Variants in RASAL2 observed in about 807,000 individuals in gnomAD.
The protein encoded by RASAL2 is ras GTPase-activating protein nGAP.
A neutral mutation model predicts 128.9 loss-of-function variants in RASAL2; 58 were observed. That is an observed-to-expected ratio of 0.45 (90% confidence interval 0.36 to 0.56). The LOEUF is 0.56. Ranked by LOEUF, RASAL2 falls within the 20% of genes least tolerant of loss-of-function variation. The pLI is 0.00. For synonymous variants in RASAL2, 561 were observed against 580.8 expected (o/e 0.97, Z 0.49); for missense variants, 1,360 against 1,601.6 (o/e 0.85, Z 2.57).
chr1:178,251,773 C>T (rs1354557131), intron 1 of RASAL2, among the ~76,000 whole-genome samples: 1 of 152,158 alleles, frequency 6.6e-6, no homozygotes, highest in African/African-American at 2.4e-5. Flanking sequence ...GCTTATCAGT[C>T]TAGTAGGGAA....
chr1:178,203,412 G>C (rs1662939793), intron 1 of RASAL2, among the ~76,000 whole-genome samples: 1 of 152,212 alleles, frequency 6.6e-6, no homozygotes, highest in Admixed American at 6.5e-5. Context: ...CTGGGGCAGA[G>C]TTCTCCAGAA....
At chr1:178,346,616 A>ATTT (rs1291453821) in intron 3 of RASAL2, among the ~76,000 whole-genome samples, 1 of 152,220 alleles carries the variant, frequency 6.6e-6, no homozygotes, top group African/African-American at 2.4e-5. Context: ...GTTAAGTTTT[A>ATTT]TTTATTTCCT....
intron 1 of RASAL2, among the ~76,000 whole-genome samples, chr1:178,156,226 A>G (rs1466048261): frequency 2.0e-5 from 3 of 152,218 alleles, no homozygotes; most frequent in African/African-American, 7.2e-5. Context: ...ACCTGAATGC[A>G]AAGAAATCAA....
intron 1 of RASAL2, among the ~76,000 whole-genome samples, chr1:178,252,141 G>A (rs1031423686): frequency 6.6e-6 from 1 of 152,072 alleles, no homozygotes; most frequent in African/African-American, 2.4e-5. Flanking sequence ...TCCACTTTGA[G>A]ATTATGATTG....
At chr1:178,443,369 A>T in intron 8 of RASAL2, 140 bp downstream of exon 8, 1 of 782,888 alleles carries the variant, frequency 1.3e-6, no homozygotes, top group Non-Finnish European at 1.9e-6. Context: ...AAGAAAACCT[A>T]TTAGATCCAG....
chr1:178,148,688 A>G (rs550875991), intron 1 of RASAL2, among the ~76,000 whole-genome samples: 1 of 152,162 alleles, frequency 6.6e-6, no homozygotes, highest in East Asian at 1.9e-4. Context: ...CAAGCAATAC[A>G]CTACCTCAGC....
chr1:178,185,525 G>A (rs1371325308), intron 1 of RASAL2, among the ~76,000 whole-genome samples: 1 of 150,696 alleles, frequency 6.6e-6, no homozygotes, highest in Non-Finnish European at 1.5e-5. Flanking sequence ...TTTTTGGCTT[G>A]GGGGTATATA....
intron 4 of RASAL2, among the ~76,000 whole-genome samples, chr1:178,400,270 A>G (rs1673531480): frequency 6.6e-6 from 1 of 152,156 alleles, no homozygotes; most frequent in Non-Finnish European, 1.5e-5. Flanking sequence ...CCTGAGTTCC[A>G]TCTTTAACAA....
chr1:178,295,380 C>T (rs189991803), intron 2 of RASAL2, among the ~76,000 whole-genome samples: 3 of 152,076 alleles, frequency 2.0e-5, no homozygotes, highest in African/African-American at 7.2e-5. Context: ...CCCTCACCCC[C>T]CAGCAGGCCC....
intron 1 of RASAL2, among the ~76,000 whole-genome samples, chr1:178,146,784 C>T (rs906051576): frequency 5.9e-5 from 9 of 152,316 alleles, no homozygotes; most frequent in African/African-American, 2.2e-4. Context: ...TATAAGATTG[C>T]TGTGCCATAC....
intron 3 of RASAL2, among the ~76,000 whole-genome samples, chr1:178,356,606 T>A (rs1334131789): frequency 6.6e-6 from 1 of 152,160 alleles, no homozygotes; most frequent in Admixed American, 6.5e-5. Flanking sequence ...ACTATTTATA[T>A]AAAATTCAAG....
rs181848316 is a variant in RASAL2, at chr1:178,426,413, C to T, written c.674+5793C>T. On this transcript the variant is annotated intron_variant, in intron 5 of 17. Transcript: ENST00000367649. ...ATCACTTTAGGCCAGGACGTCAAGG[C>T]TGCAGTCAGCCGTGATCGTGCCACT... 2.6e-5 allele frequency among the ~76,000 whole-genome samples: 4 copies of T among 152,194 alleles called. No individual in the cohort carries two copies. In the East Asian group the frequency reaches 7.8e-4, roughly 30 times the overall value.
At chr1:178,323,452 C>T (rs1234793207) in intron 3 of RASAL2, among the ~76,000 whole-genome samples, 4 of 152,082 alleles carry the variant, frequency 2.6e-5, no homozygotes, top group Non-Finnish European at 5.9e-5. Flanking sequence ...GAGAGAAAAT[C>T]GTTTAGTAAT....
At position 178,298,366 on chromosome 1, in the gene RASAL2, A is replaced by G. The variant is rs149120163; in HGVS notation, c.331-1626A>G. Among the ~76,000 whole-genome samples, 415 of 152,226 alleles carry G rather than the reference A, an allele frequency of 2.7e-3. 1 individual carries two copies. The highest frequency in any genetic ancestry group is 9.1e-3 in the African/African-American group (380 of 41,538). ...ATTTCTTCTGCCCTTCAATTTCTCA[A>G]TGTGCAAAGAGTAACCATAGTTATG... On this transcript the variant is annotated intron_variant, in intron 2 of 17. Transcript: ENST00000367649.
chr1:178,432,900 T>G (rs417127), intron 5 of RASAL2, among the ~76,000 whole-genome samples: 1 of 152,098 alleles, frequency 6.6e-6, no homozygotes, highest in African/African-American at 2.4e-5. Flanking sequence ...TCCTTTCTTT[T>G]TCCACTCCTT....
intron 1 of RASAL2, among the ~76,000 whole-genome samples, chr1:178,156,396 A>G (rs1661085313): frequency 6.6e-6 from 1 of 152,210 alleles, no homozygotes; most frequent in African/African-American, 2.4e-5. Flanking sequence ...TTTAGAATAC[A>G]TATGAGTAAT....
intron 3 of RASAL2, among the ~76,000 whole-genome samples, chr1:178,350,626 A>G (rs2102436779): frequency 6.6e-6 from 1 of 152,272 alleles, no homozygotes; most frequent in Non-Finnish European, 1.5e-5. Flanking sequence ...CCACACTCGT[A>G]TCTGGAGCTC....
At chr1:178,183,255 C>T (rs1374566201) in intron 1 of RASAL2, among the ~76,000 whole-genome samples, 1 of 152,228 alleles carries the variant, frequency 6.6e-6, no homozygotes, top group Non-Finnish European at 1.5e-5. Flanking sequence ...TTGTTTCACA[C>T]CATGTGTATT....
Position 178,096,988 on chromosome 1 carries a change from A to T in RASAL2, c.202+2294A>T, listed in dbSNP as rs74128843. ...TTGAAATAAAAGTAATAGAATGTAG[A>T]AAAACAATTTGGAGAATACAGAATT... On this transcript the variant is annotated intron_variant, in intron 1 of 17. Transcript: ENST00000367649. Among the ~76,000 whole-genome samples the T allele has an allele frequency of 2.6e-3, 389 of 152,328 alleles. 4 individuals carry two copies. Among genetic ancestry groups the T allele is most frequent in the African/African-American group, 9.1e-3 (377 of 41,586 alleles).
Sources: allele counts gnomAD v4.1 joint callset (sites outside exome capture counted in the v4.1 genomes callset), GRCh38; gene constraint gnomAD v4.1.1; transcripts MANE v1.5; gene names NCBI Gene and HGNC (gene_info 2026-07-23, HGNC 2026-07-21).